The following NCAM2 variants were observed in gnomAD, a reference collection of about 807,000 sequenced individuals.
NCAM2 encodes the protein N-CAM-2.
A neutral mutation model predicts 98.1 loss-of-function variants in NCAM2; 30 were observed. The ratio of observed to expected loss-of-function variants is 0.31; its 90% CI spans 0.23 to 0.41. The LOEUF (loss-of-function observed/expected upper bound fraction) is 0.41. Among genes scored for constraint, NCAM2 ranks in the 10% least tolerant of loss-of-function variants. NCAM2 has a pLI of 1.00. For missense variants in NCAM2, 867 were observed against 1,005.8 expected, an observed-to-expected ratio of 0.86 and a Z score of 1.87; for synonymous variants, 368 against 342.4, an observed-to-expected ratio of 1.07 and a Z score of -0.83.
At chr21:21,323,921 G>A (rs1568933565) in intron 5 of NCAM2, among the ~76,000 whole-genome samples, 1 of 152,172 alleles carries the variant, frequency 6.6e-6, no homozygotes. Flanking sequence ...ACAGACCAAT[G>A]AGAAGCCAAA....
At chr21:21,320,177 C>A (rs143321129) in intron 5 of NCAM2, among the ~76,000 whole-genome samples, 1 of 152,042 alleles carries the variant, frequency 6.6e-6, no homozygotes, top group African/African-American at 2.4e-5. Context: ...ATTTGCTATT[C>A]GTCAAATATG....
chr21:21,518,177 A>AT (rs1454463528), intron 16 of NCAM2, among the ~76,000 whole-genome samples: 1 of 151,868 alleles, frequency 6.6e-6, no homozygotes, highest in Admixed American at 6.6e-5. Context: ...TCCTAGCTAC[A>AT]TTTTTTTTAC....
chr21:21,218,599 T>G (rs2070006476), intron 1 of NCAM2, among the ~76,000 whole-genome samples: 1 of 152,152 alleles, frequency 6.6e-6, no homozygotes, highest in Non-Finnish European at 1.5e-5. Flanking sequence ...TAAAATAGTT[T>G]GAGTGAGATA....
chr21:21,491,407 G>C (rs1483783479), intron 15 of NCAM2, among the ~76,000 whole-genome samples: 1 of 151,694 alleles, frequency 6.6e-6, no homozygotes, highest in Non-Finnish European at 1.5e-5. Flanking sequence ...AGTTCCTTTG[G>C]TCATTTCTTT....
At chr21:21,217,830 A>G (rs1428092076) in intron 1 of NCAM2, among the ~76,000 whole-genome samples, 1 of 152,140 alleles carries the variant, frequency 6.6e-6, no homozygotes, top group Non-Finnish European at 1.5e-5. Context: ...GAAAGACACC[A>G]CCACATCTGC....
At chr21:21,286,167 T>G in intron 3 of NCAM2, 102 bp from the exon 4 acceptor site, 1 of 1,240,426 alleles carries the variant, frequency 8.1e-7, no homozygotes, top group African/African-American at 1.5e-5. Flanking sequence ...CCTAATTATT[T>G]TATTATAGTA....
intron 1 of NCAM2, among the ~76,000 whole-genome samples, chr21:21,146,652 T>TA (rs989155955): frequency 7.3e-5 from 11 of 151,126 alleles, no homozygotes; most frequent in Admixed American, 5.3e-4. Context: ...AGAACAGCTT[T>TA]AAAAAAAACT....
In NCAM2 at chr21:21,332,557, A is replaced by G. The variant is rs75615992; in HGVS notation, c.738-2948A>G. Among the ~76,000 whole-genome samples, 182 of 152,234 alleles carry G rather than the reference A, an allele frequency of 1.2e-3. 1 individual carries two copies. The East Asian group carries it at 0.026, about 22-fold the overall frequency. On this transcript the variant is annotated intron_variant, in intron 6 of 17. Transcript: ENST00000400546. ...CTAATGGTTCTTTCCCTCATCTGAG[A>G]AGGCCTTACTGGTGTACACTCATTG... is the stretch of plus-strand genomic sequence containing the variant.
intron 17 of NCAM2, among the ~76,000 whole-genome samples, chr21:21,535,626 G>A (rs1017220357): frequency 1.3e-5 from 2 of 151,704 alleles, no homozygotes; most frequent in South Asian, 2.1e-4. Flanking sequence ...ATAAATCCTC[G>A]GGCCAATTTT....
intron 12 of NCAM2, among the ~76,000 whole-genome samples, chr21:21,455,900 T>C (rs1982074807): frequency 6.6e-6 from 1 of 152,014 alleles, no homozygotes; most frequent in Admixed American, 6.6e-5. Flanking sequence ...ATATCTGGGT[T>C]AACTATATAG....
At chr21:21,264,990 G>GTATATATATACACATATATATTATA (rs1203072126) in intron 1 of NCAM2, among the ~76,000 whole-genome samples, 2 of 81,788 alleles carry the variant, frequency 2.4e-5, no homozygotes, top group African/African-American at 4.6e-5. Flanking sequence ...TTATATATGT[G>GTATATATATACACATATATATTATA]TATGTGTATA....
At chr21:21,434,201 A>C (rs556981258) in intron 12 of NCAM2, among the ~76,000 whole-genome samples, 16 of 152,236 alleles carry the variant, frequency 1.1e-4, no homozygotes, top group Non-Finnish European at 2.1e-4. Flanking sequence ...ACTGTCACAG[A>C]AATTAGAACA....
chr21:21,260,105 A>C (rs953641653), intron 1 of NCAM2, among the ~76,000 whole-genome samples: 4 of 151,746 alleles, frequency 2.6e-5, no homozygotes, highest in African/African-American at 9.7e-5. Flanking sequence ...ACAATTTTAG[A>C]GATTGAAGAG....
chr21:21,348,108 A>C (rs76625366), intron 8 of NCAM2, among the ~76,000 whole-genome samples: 1 of 151,996 alleles, frequency 6.6e-6, no homozygotes. Flanking sequence ...CAAAGTACCA[A>C]CTAGAACAAT....
chr21:21,519,524 C>A (rs1569135033), intron 16 of NCAM2, among the ~76,000 whole-genome samples: 1 of 151,900 alleles, frequency 6.6e-6, no homozygotes, highest in East Asian at 1.9e-4. Context: ...GTGCAGACAA[C>A]CAGGTGTATG....
chr21:21,156,579 T>TATAG (rs10654392), intron 1 of NCAM2, among the ~76,000 whole-genome samples: 60,409 of 148,600 alleles, frequency 0.41, 12,396 homozygotes, highest in Middle Eastern at 0.46. Context: ...ATAGATAGAT[T>TATAG]ATAGATAGAT....
chr21:21,207,335 G>A (rs1464191927), intron 1 of NCAM2, among the ~76,000 whole-genome samples: 1 of 152,104 alleles, frequency 6.6e-6, no homozygotes, highest in Non-Finnish European at 1.5e-5. Context: ...ATCTGTCTTG[G>A]ATGTTATTAT....
At chr21:21,086,194 A>G (rs1299661495) in intron 1 of NCAM2, among the ~76,000 whole-genome samples, 2 of 152,222 alleles carry the variant, frequency 1.3e-5, no homozygotes, top group African/African-American at 4.8e-5. Flanking sequence ...GAAATCAGGA[A>G]GGTGATGTGT....
At chr21:21,403,746 G>T (rs987928542) in intron 9 of NCAM2, among the ~76,000 whole-genome samples, 1 of 151,922 alleles carries the variant, frequency 6.6e-6, no homozygotes, top group Admixed American at 6.6e-5. Flanking sequence ...AGTGAAGGTA[G>T]AATAAATGTA....
Sources: allele counts gnomAD v4.1 joint callset (sites outside exome capture counted in the v4.1 genomes callset), GRCh38; gene constraint gnomAD v4.1.1; transcripts MANE v1.5; gene names NCBI Gene and HGNC (gene_info 2026-07-23, HGNC 2026-07-21).